Variants in IK observed in about 807,000 individuals in gnomAD.
IK encodes protein Red.
Under a neutral mutation model 90.9 loss-of-function variants are expected in IK, and 47 were observed. The observed-to-expected ratio is 0.52, with a 90% CI of 0.41 to 0.66. IK has a LOEUF of 0.66. Among genes scored for constraint, IK ranks in the 30% least tolerant of loss-of-function variants. The probability of loss-of-function intolerance (pLI) is 0.00; values close to 1 mark genes in which losing one functional copy is unlikely to be tolerated. For missense variants in IK, 385 were observed against 709.3 expected (o/e 0.54, Z 5.19); for synonymous variants, 201 against 227.5 (o/e 0.88, Z 1.05).
chr5:140,654,158 A>G (rs1157010027), intron 6 of IK, 106 bp downstream of exon 6: 5 of 702,944 alleles, frequency 7.1e-6, no homozygotes, highest in African/African-American at 7.1e-5. Flanking sequence ...ACTGAGTAGA[A>G]GAAGGGCTAA....
In IK at chr5:140,651,818, G is replaced by T. The variant is rs1193388683; in HGVS notation, c.176+12G>T. 6.5e-7 allele frequency: 1 copy of T among 1,545,356 alleles called. No homozygotes were observed. The highest frequency in any genetic ancestry group is 8.9e-7 in the Non-Finnish European group (1 of 1,118,234). ...TCACGTCACCATGAGTAAGTCTTTG[G>T]GTGATCCAACCTGTCTCCCAACTTG... is the stretch of plus-strand genomic sequence containing the variant. On this transcript the variant is annotated intron_variant, in intron 3 of 19. Coordinates refer to ENST00000417647, the MANE Select transcript of IK (RefSeq NM_006083.4).
intron 2 of IK, among the ~76,000 whole-genome samples, chr5:140,650,845 C>T (rs762543975): frequency 1.3e-5 from 2 of 152,050 alleles, no homozygotes; most frequent in Non-Finnish European, 2.9e-5. Flanking sequence ...TCCCAAAGTG[C>T]GGCGATTATA....
At chr5:140,662,074 G>A (rs904866664) in intron 18 of IK, 67 bp downstream of exon 18, 14 of 1,573,436 alleles carry the variant, frequency 8.9e-6, no homozygotes, top group Non-Finnish European at 1.2e-5. Context: ...GCAGATTCAG[G>A]AACAGGCAAG....
At chr5:140,653,260 G>T in intron 5 of IK, 116 bp downstream of exon 5, 1 of 805,538 alleles carries the variant, frequency 1.2e-6, no homozygotes, top group South Asian at 2.1e-5. Context: ...GATTTCAGAG[G>T]CATTTGCCAC....
Position 140,647,856 on chromosome 5 carries a change from G to C in IK, c.-53G>C, listed in dbSNP as rs1450468780. 1 of 1,609,388 alleles carries C rather than the reference G, an allele frequency of 6.2e-7. No individual in the cohort carries two copies. The highest frequency in any genetic ancestry group is 8.5e-7 in the Non-Finnish European group (1 of 1,175,738). ...ACTGTGGGAAAGAGCTTGTCGCTGC[G>C]GTGTTGCTGTTGGAGACTCGATTGT... On this transcript the variant is annotated 5_prime_UTR_variant, in exon 1 of 20. Coordinates refer to ENST00000417647, the MANE Select transcript of IK (RefSeq NM_006083.4).
chr5:140,647,958 T>TGGCACTTGG (rs768635352), intron 1 of IK, 34 bp downstream of exon 1: 3 of 1,608,870 alleles, frequency 1.9e-6, no homozygotes, highest in Non-Finnish European at 2.6e-6. Context: ...TTCTTCCCCA[T>TGGCACTTGG]GGCACTTGGG....
intron 15 of IK, 70 bp downstream of exon 15, chr5:140,660,265 T>C (rs1278222760): frequency 3.1e-6 from 3 of 981,186 alleles, no homozygotes; most frequent in Non-Finnish European, 4.7e-6. Context: ...AAATGGAAAT[T>C]TGATTCGCTA....
chr5:140,657,024 A>G (rs757989661), intron 9 of IK, among the ~76,000 whole-genome samples: 3 of 152,118 alleles, frequency 2.0e-5, no homozygotes, highest in Non-Finnish European at 2.9e-5. Flanking sequence ...CAGGTGGGCC[A>G]ACATTGTAAA....
chr5:140,661,031 T>C lies in IK; in HGVS notation c.1413+216T>C. Reference sequence around the variant, plus strand: ...GACATAGGGTCAAAAATCTATTTTTTACTTCCTATAGCAAAGTGCCAGGCT... The same window carrying C: ...GACATAGGGTCAAAAATCTATTTTTCACTTCCTATAGCAAAGTGCCAGGCT... On this transcript the variant is annotated intron_variant, in intron 16 of 19. Transcript: ENST00000417647. The surrounding 1 kb of genome is among the most constrained non-coding windows in gnomAD (Gnocchi z 4.2). The C allele has an allele frequency of 2.1e-6, 1 of 477,558 alleles. No individual in the cohort carries two copies. Among genetic ancestry groups the C allele is most frequent in the Non-Finnish European group, 3.7e-6 (1 of 270,800 alleles). The allele number at this position is 477,558 out of a possible 1,614,324, so 29.6% of individuals were successfully genotyped here. A position where few individuals can be genotyped will look rare whatever the true frequency, so the allele number is the denominator to read the frequency against.
chr5:140,648,038 G>GTGTGTGTGTA (rs1757517128), intron 1 of IK, 114 bp downstream of exon 1: 4 of 970,458 alleles, frequency 4.1e-6, no homozygotes, highest in Non-Finnish European at 6.3e-6. Context: ...GTGTGTGTGT[G>GTGTGTGTGTA]TGTGTGTATG....
intron 14 of IK, 114 bp downstream of exon 14, chr5:140,659,948 A>G (rs1757773930): frequency 3.1e-6 from 3 of 952,816 alleles, no homozygotes; most frequent in African/African-American, 1.6e-5. Flanking sequence ...TTTACGCTGA[A>G]TTTTGACAGA....
Position 140,648,007 on chromosome 5 carries a change from G to GGTGTGTGTGTGTGT in IK, c.16+108_16+121dup, listed in dbSNP as rs762057029. On this transcript the variant is annotated intron_variant, in intron 1 of 19. Transcript: ENST00000417647. ...TATTGTAGCTTCTGAGCTTAAGCCG[G>GGTGTGTGTGTGTGT]GTGTGTGTGTGTGTGTGTGTGTGTG... The GGTGTGTGTGTGTGT allele has an allele frequency of 1.7e-3, 1,539 of 930,798 alleles. 3 individuals are homozygous for GGTGTGTGTGTGTGT. The highest frequency in any genetic ancestry group is 4.2e-3 in the East Asian group (166 of 39,368). The allele number at this position is 930,798 out of a possible 1,614,324, so 57.7% of individuals were successfully genotyped here.
Position 140,661,519 on chromosome 5 carries a change from G to T in IK, c.1414-101G>T, listed in dbSNP as rs1403702176. The T allele has an allele frequency of 2.8e-6, 2 of 717,786 alleles. No individual in the cohort carries two copies. Among genetic ancestry groups the T allele is most frequent in the Non-Finnish European group, 4.8e-6 (2 of 416,856 alleles). The allele number at this position is 717,786 out of a possible 1,614,324, so 44.5% of individuals were successfully genotyped here. On this transcript the variant is annotated intron_variant, in intron 16 of 19. Transcript: ENST00000417647. This position sits in a 1 kb window ranked among gnomAD's most constrained non-coding sequence, Gnocchi z 4.2. ...ATCAGGGTATGATTTATGAATTGTG[G>T]AACCTGGGATTATGGGAGAGTCTGG...
chr5:140,660,289 C>CTTGTTTTTTTTTTTT (rs1387044855), intron 15 of IK, 94 bp downstream of exon 15: 1 of 280,350 alleles, frequency 3.6e-6, no homozygotes, highest in African/African-American at 6.2e-5. Context: ...CCCAGGGCTA[C>CTTGTTTTTTTTTTTT]TTCTTTTTTT....
chr5:140,657,475 A>T, intron 9 of IK, 79 bp from the exon 10 acceptor site: 2 of 970,998 alleles, frequency 2.1e-6, no homozygotes, highest in Non-Finnish European at 3.2e-6. Context: ...TTCAGTCTTT[A>T]GTTTGTTAAG....
At chr5:140,653,373 G>A (rs1581481936) in intron 5 of IK, among the ~76,000 whole-genome samples, 1 of 147,956 alleles carries the variant, frequency 6.8e-6, no homozygotes, top group South Asian at 2.1e-4. Flanking sequence ...GGCAAGCTCC[G>A]CCTCCCAGGT....
Position 140,647,933 on chromosome 5 carries a change from C to T in IK, c.16+9C>T. ...AATGCCGGAGCGAGATAGTAAGGCT[C>T]AGGCCATCCGTTATTTCTTCCCCAT... On this transcript the variant is annotated intron_variant, in intron 1 of 19. Coordinates refer to ENST00000417647, the MANE Select transcript of IK (RefSeq NM_006083.4). The T allele has an allele frequency of 6.2e-7, 1 of 1,613,834 alleles. No individual in the cohort carries two copies. The highest frequency in any genetic ancestry group is 1.7e-5 in the Admixed American group (1 of 60,012).
At position 140,658,743 on chromosome 5, in the gene IK, T is replaced by C. The variant is rs1757749619; in HGVS notation, c.917T>C (p.Leu306Pro). ...KKLKKKDKGK[L>P]EEKKPPEADM... ...TCCTCTCTTTAAATTTCAGGGAAGC[T>C]GGAAGAGAAGAAACCTCCTGAGGCT... The change falls in exon 11 of 20, where the codon CTG becomes CCG. Residue 306 changes from leucine to proline, a missense_variant. Around this residue, in one of 8 missense-constraint regions of IK, gnomAD observed 139 missense variants for 172.0 expected, o/e 0.81. Transcript: ENST00000417647. 6.2e-7 allele frequency: 1 copy of C among 1,610,134 alleles called. No individual in the cohort carries two copies. The highest frequency in any genetic ancestry group is 8.5e-7 in the Non-Finnish European group (1 of 1,177,776).
intron 5 of IK, 47 bp from the exon 6 acceptor site, chr5:140,653,891 C>A (rs948985609): frequency 2.5e-6 from 3 of 1,186,992 alleles, no homozygotes; most frequent in Middle Eastern, 2.7e-4. Flanking sequence ...GCGTGATCCA[C>A]CACGCCTGGA....
Sources: allele counts gnomAD v4.1 joint callset (sites outside exome capture counted in the v4.1 genomes callset), GRCh38; gene constraint gnomAD v4.1.1; regional missense constraint gnomAD v4.1.1; non-coding constraint Gnocchi (gnomAD v3.1); transcripts MANE v1.5; gene names NCBI Gene and HGNC (gene_info 2026-07-23, HGNC 2026-07-21).